Variants in RYR2 observed in about 807,000 individuals in gnomAD.
RYR2 encodes the protein ryanodine receptor 2.
Under a neutral mutation model 601.1 loss-of-function variants are expected in RYR2, and 227 were observed. That is an observed-to-expected ratio of 0.38 (90% CI 0.34 to 0.42). The LOEUF (loss-of-function observed/expected upper bound fraction) is 0.42. Ranked by LOEUF, RYR2 falls within the 10% of genes least tolerant of loss-of-function variation. The pLI, the probability that RYR2 is intolerant of heterozygous loss-of-function variation, is 1.00. For synonymous variants in RYR2, 2,223 were observed against 2,175.1 expected, an observed-to-expected ratio of 1.02 and a Z score of -0.61; for missense variants, 4,646 against 6,156.5, an observed-to-expected ratio of 0.75 and a Z score of 8.21.
At position 237,355,960 on chromosome 1, in the gene RYR2, C is replaced by T; in HGVS notation, c.274-5C>T. The T allele has an allele frequency of 1.2e-6, 2 of 1,601,734 alleles. No homozygotes were observed. The highest frequency in any genetic ancestry group is 1.7e-6 in the Non-Finnish European group (2 of 1,173,556). On this transcript the variant is annotated splice_region_variant and splice_polypyrimidine_tract_variant and intron_variant, in intron 3 of 104. Coordinates refer to ENST00000366574, the MANE Select transcript of RYR2 (RefSeq NM_001035.3). ...GTTATTTATTTTGGCTTTTTCTTTC[C>T]ACAGCAAGTTGATGTGGAAAAATGG...
chr1:237,165,416 T>C (rs2490359), intron 1 of RYR2, among the ~76,000 whole-genome samples: 122,590 of 152,168 alleles, frequency 0.81, 50,948 homozygotes, highest in Non-Finnish European at 0.9. Context: ...GCTTGCTTCA[T>C]TGAAAGCACT....
At chr1:237,561,905 G>C (rs1209785700) in intron 27 of RYR2, among the ~76,000 whole-genome samples, 1 of 152,088 alleles carries the variant, frequency 6.6e-6, no homozygotes, top group East Asian at 1.9e-4. Context: ...AAAATTAAAA[G>C]ATAGATGTTG....
rs1553330741 is a variant in RYR2, at chr1:237,798,159, C to G, written c.14079C>G (p.Ser4693=). ...REKKKPKKDS[S]LSAVLNSIDV... Reference sequence around the variant, plus strand: ...AGAAGAAGCCAAAGAAAGACAGCTCCTTATCAGCTGTGTAAGTGTTACTTC... The same window carrying G: ...AGAAGAAGCCAAAGAAAGACAGCTCGTTATCAGCTGTGTAAGTGTTACTTC... The change falls in exon 97 of 105, where the codon TCC becomes TCG. Residue 4693 remains serine, a synonymous_variant. Transcript: ENST00000366574. The G allele has an allele frequency of 5.0e-6, 8 of 1,612,618 alleles. No individual in the cohort carries two copies. Among genetic ancestry groups the G allele is most frequent in the Non-Finnish European group, 6.8e-6 (8 of 1,179,264 alleles).
intron 61 of RYR2, among the ~76,000 whole-genome samples, 189 bp from the exon 62 acceptor site, chr1:237,680,266 AT>A (rs1685753361): frequency 6.6e-6 from 1 of 152,134 alleles, no homozygotes; most frequent in Admixed American, 6.5e-5. Flanking sequence ...GTTCACCATA[AT>A]CACATCCTGC....
chr1:237,511,247 C>G (rs1350313009), intron 23 of RYR2, among the ~76,000 whole-genome samples: 1 of 124,988 alleles, frequency 8.0e-6, no homozygotes, highest in Non-Finnish European at 1.6e-5. Context: ...CGGAGACAGA[C>G]AATAGCCCAA....
chr1:237,490,004 A>G (rs1243977902), intron 17 of RYR2, among the ~76,000 whole-genome samples: 1 of 152,232 alleles, frequency 6.6e-6, no homozygotes, highest in African/African-American at 2.4e-5. Context: ...CGCAGCCATA[A>G]TAAGATTGAC....
At chr1:237,269,851 T>C (rs1452847420) in intron 1 of RYR2, among the ~76,000 whole-genome samples, 1 of 152,222 alleles carries the variant, frequency 6.6e-6, no homozygotes, top group African/African-American at 2.4e-5. Context: ...TTTCCCCATG[T>C]ACAGTTTCTT....
chr1:237,317,251 G>C (rs1271457691), intron 2 of RYR2, among the ~76,000 whole-genome samples: 1 of 152,146 alleles, frequency 6.6e-6, no homozygotes, highest in Non-Finnish European at 1.5e-5. Flanking sequence ...CTCTACCTCA[G>C]AAGTGTCTTC....
rs554816400 is a variant in RYR2 at position 237,156,665 on chromosome 1, G to A, written c.49-113832G>A. ...ATCAGGATAAGCCTTCAGTAAATAT[G>A]TATTGAATGAAATGCTTAAGTGAAT... On this transcript the variant is annotated intron_variant, in intron 1 of 104. Coordinates refer to ENST00000366574, the MANE Select transcript of RYR2 (RefSeq NM_001035.3). 1.2e-4 allele frequency among the ~76,000 whole-genome samples: 19 copies of A among 152,314 alleles called. 1 individual carries two copies. The South Asian group carries it at 1.5e-3, about 12-fold the overall frequency.
chr1:237,287,608 C>T (rs1691703678), intron 2 of RYR2, among the ~76,000 whole-genome samples: 1 of 152,192 alleles, frequency 6.6e-6, no homozygotes, highest in South Asian at 2.1e-4. Flanking sequence ...ATTGCTGAGA[C>T]TTTCCAGAGC....
At chr1:237,283,954 CT>C (rs1691166915) in intron 2 of RYR2, among the ~76,000 whole-genome samples, 2 of 152,318 alleles carry the variant, frequency 1.3e-5, no homozygotes, top group South Asian at 4.1e-4. Context: ...CCTCATCCTC[CT>C]TCCACTCTTC....
chr1:237,803,260 T>C (rs1660182670), intron 98 of RYR2, among the ~76,000 whole-genome samples: 1 of 152,132 alleles, frequency 6.6e-6, no homozygotes, highest in Non-Finnish European at 1.5e-5. Flanking sequence ...ACTTAGGTCG[T>C]TACTCATCTT....
At position 237,614,921 on chromosome 1, in the gene RYR2, T is replaced by A; in HGVS notation, c.5715+78T>A. 2.9e-6 allele frequency: 4 copies of A among 1,365,372 alleles called. No individual in the cohort carries two copies. In the South Asian group the frequency reaches 6.1e-5, roughly 21 times the overall value. 84.6% of individuals were successfully genotyped at this position (1,365,372 alleles called of 1,614,324 possible). A position where few individuals can be genotyped will look rare whatever the true frequency, so the allele number is the denominator to read the frequency against. On this transcript the variant is annotated intron_variant, in intron 37 of 104. Coordinates refer to ENST00000366574, the MANE Select transcript of RYR2 (RefSeq NM_001035.3). The surrounding 1 kb of genome is among the most constrained non-coding windows in gnomAD (Gnocchi z 4.3). ...ATTAGAACATGCCTTTGTTTCTTTC[T>A]CTGTGTGTGTGTTTATTTCTTTGCA...
At chr1:237,309,259 A>G (rs1265741489) in intron 2 of RYR2, among the ~76,000 whole-genome samples, 8 of 134,288 alleles carry the variant, frequency 6.0e-5, no homozygotes, top group African/African-American at 2.5e-4. Flanking sequence ...TGATTGGTGT[A>G]TTTACAATCC....
intron 44 of RYR2, among the ~76,000 whole-genome samples, chr1:237,636,379 C>T (rs1487169324): frequency 1.3e-5 from 2 of 152,076 alleles, no homozygotes; most frequent in African/African-American, 4.8e-5. Flanking sequence ...GAAACTCTTC[C>T]CCAAATCCTC....
intron 24 of RYR2, among the ~76,000 whole-genome samples, chr1:237,526,219 ATC>A (rs961955665): frequency 6.6e-6 from 1 of 152,138 alleles, no homozygotes; most frequent in Non-Finnish European, 1.5e-5. Context: ...GTGAGATGGT[ATC>A]TCATTGTGGT....
At chr1:237,771,035 C>T (rs989844201) in intron 85 of RYR2, 148 bp downstream of exon 85, 18 of 450,904 alleles carry the variant, frequency 4.0e-5, no homozygotes, top group South Asian at 8.0e-5. Flanking sequence ...GGAACTGGGA[C>T]GTTTTATATA....
Position 237,717,377 on chromosome 1 carries a change from C to G in RYR2, c.10494+9C>G. Reference sequence around the variant, plus strand: ...AAAATCGATTTAGCCTGGTAAGTCTCCTTTTCATCCCAGCGGTAATGATCA... The same window carrying G: ...AAAATCGATTTAGCCTGGTAAGTCTGCTTTTCATCCCAGCGGTAATGATCA... On this transcript the variant is annotated intron_variant, in intron 72 of 104. Transcript: ENST00000366574. 6.3e-7 allele frequency: 1 copy of G among 1,590,222 alleles called. No homozygotes were observed. Among genetic ancestry groups the G allele is most frequent in the Non-Finnish European group, 8.6e-7 (1 of 1,166,538 alleles).
At chr1:237,250,484 G>A (rs1333604668) in intron 1 of RYR2, among the ~76,000 whole-genome samples, 1 of 152,142 alleles carries the variant, frequency 6.6e-6, no homozygotes, top group African/African-American at 2.4e-5. Flanking sequence ...CATTTAAAGG[G>A]ATATCGTCCA....
Sources: allele counts gnomAD v4.1 joint callset (sites outside exome capture counted in the v4.1 genomes callset), GRCh38; gene constraint gnomAD v4.1.1; non-coding constraint Gnocchi (gnomAD v3.1); transcripts MANE v1.5; gene names NCBI Gene and HGNC (gene_info 2026-07-23, HGNC 2026-07-21).